PTPRD: variants seen among roughly 807,000 people sequenced by gnomAD.
PTPRD encodes receptor-type tyrosine-protein phosphatase delta.
PTPRD carries 34 observed loss-of-function variants against 214.5 expected under a neutral mutation model. The observed-to-expected ratio is 0.16, with a 90% CI of 0.12 to 0.21. The LOEUF (loss-of-function observed/expected upper bound fraction) is 0.21, where lower values mean the gene tolerates loss of function less well. PTPRD is among the 10% of genes least tolerant of loss of function. The probability of loss-of-function intolerance (pLI) is 1.00; values close to 1 mark genes in which losing one functional copy is unlikely to be tolerated. For missense variants in PTPRD, 2,545 were observed against 2,398.7 expected, an observed-to-expected ratio of 1.06 and a Z score of -1.27; for synonymous variants, 1,128 against 845.7, an observed-to-expected ratio of 1.33 and a Z score of -5.79.
intron 2 of PTPRD, among the ~76,000 whole-genome samples, chr9:10,459,834 T>A (rs2098945573): frequency 6.6e-6 from 1 of 151,780 alleles, no homozygotes; most frequent in Admixed American, 6.6e-5. Flanking sequence ...CAAAATAAAT[T>A]TATCAGTATT....
At chr9:9,608,389 GT>G in intron 7 of PTPRD, among the ~76,000 whole-genome samples, 1 of 152,248 alleles carries the variant, frequency 6.6e-6, no homozygotes, top group East Asian at 1.9e-4. Flanking sequence ...TGTACTAAAA[GT>G]TTTTAAATCT....
chr9:10,610,159 G>A (rs1208440365), intron 2 of PTPRD, among the ~76,000 whole-genome samples: 1 of 152,012 alleles, frequency 6.6e-6, no homozygotes, highest in East Asian at 1.9e-4. Context: ...AGAGCTGGTG[G>A]CCAAAAAGGT....
chr9:10,484,865 T>A (rs1489179996), intron 2 of PTPRD, among the ~76,000 whole-genome samples: 1 of 151,986 alleles, frequency 6.6e-6, no homozygotes, highest in Admixed American at 6.6e-5. Flanking sequence ...TCTACCTTGA[T>A]GTGATTCAAT....
At chr9:8,611,768 A>AGGAGGGGAGG (rs143058348) in intron 14 of PTPRD, among the ~76,000 whole-genome samples, 2 of 139,166 alleles carry the variant, frequency 1.4e-5, no homozygotes, top group Non-Finnish European at 3.1e-5. Flanking sequence ...AAGAAAAGAA[A>AGGAGGGGAGG]GGAGGGGAGG....
chr9:9,528,554 G>T (rs144821931), intron 8 of PTPRD, among the ~76,000 whole-genome samples: 46 of 152,154 alleles, frequency 3.0e-4, no homozygotes, highest in African/African-American at 8.9e-4. Context: ...AATACTTGAA[G>T]ACATATTGCG....
At chr9:8,562,238 T>A (rs1364255895) in intron 14 of PTPRD, among the ~76,000 whole-genome samples, 1 of 152,158 alleles carries the variant, frequency 6.6e-6, no homozygotes, top group East Asian at 1.9e-4. Context: ...GGACTCATTA[T>A]CTGGACTCTC....
chr9:8,602,739 G>A (rs1477300022), intron 14 of PTPRD, among the ~76,000 whole-genome samples: 1 of 152,130 alleles, frequency 6.6e-6, no homozygotes, highest in Non-Finnish European at 1.5e-5. Context: ...CCCAAACTAA[G>A]AGAAACATGC....
intron 9 of PTPRD, among the ~76,000 whole-genome samples, chr9:9,235,103 A>G (rs2099965722): frequency 6.6e-6 from 1 of 152,196 alleles, no homozygotes. Flanking sequence ...CAGGAAACTT[A>G]TAATCATGGC....
At chr9:9,740,408 A>G (rs2098382746) in intron 6 of PTPRD, among the ~76,000 whole-genome samples, 1 of 150,016 alleles carries the variant, frequency 6.7e-6, no homozygotes, top group South Asian at 2.1e-4. Flanking sequence ...CCCAGGCTGG[A>G]GTGCAGTGGC....
rs201751722 is a variant in PTPRD, at chr9:8,471,047, C to A, written c.3452G>T (p.Arg1151Leu). 2.5e-6 allele frequency: 4 copies of A among 1,613,368 alleles called. No individual in the cohort carries two copies. The highest frequency in any genetic ancestry group is 1.7e-5 in the Admixed American group (1 of 59,964). ...YIIIVPLKKS[R>L]GKFIKPWESP... ...CTCCCATGGCTTGATAAATTTCCCG[C>A]GAGATTTCTTCAAAGGCACAATTAT... Residue 1151 changes from arginine (R) to leucine (L), a missense_variant, in exon 31 of 46, where the codon CGC (arginine) becomes CTC (leucine). Physicochemically the swap from Arg to Leu is moderately radical, Grantham distance 102 (BLOSUM62 -2). Coordinates refer to ENST00000381196, the MANE Select transcript of PTPRD (RefSeq NM_002839.4).
Position 9,797,825 on chromosome 9 carries a change from C to T in PTPRD, c.-367-30974G>A, listed in dbSNP as rs1022016382. On this transcript the variant is annotated intron_variant, in intron 5 of 45. Transcript: ENST00000381196. The stretch of plus-strand genomic sequence containing the variant: ...ATCGCGCCATCGCACACCAGCCTGG[C>T]GGACAACAGCGAGACTTAATCTCAA... 5.9e-5 allele frequency among the ~76,000 whole-genome samples: 9 copies of T among 151,908 alleles called. No homozygotes were observed. In the South Asian group the frequency reaches 1.0e-3, roughly 18 times the overall value.
intron 2 of PTPRD, among the ~76,000 whole-genome samples, chr9:10,459,978 A>T (rs1417368522): frequency 1.3e-5 from 2 of 152,104 alleles, no homozygotes; most frequent in Non-Finnish European, 2.9e-5. Context: ...CTATTTTAAC[A>T]ATTTTAAGTG....
At chr9:9,660,947 C>T (rs1000029128) in intron 7 of PTPRD, among the ~76,000 whole-genome samples, 1 of 151,898 alleles carries the variant, frequency 6.6e-6, no homozygotes, top group Non-Finnish European at 1.5e-5. Flanking sequence ...TTTCAATAAC[C>T]AGAAGTTGTG....
At chr9:8,665,179 GTTTA>G (rs1011249311) in intron 12 of PTPRD, among the ~76,000 whole-genome samples, 1 of 152,110 alleles carries the variant, frequency 6.6e-6, no homozygotes, top group African/African-American at 2.4e-5. Flanking sequence ...GTAAGATTTT[GTTTA>G]TTTGTTTCAA....
chr9:10,123,850 T>A (rs1022196384), intron 3 of PTPRD, among the ~76,000 whole-genome samples: 1 of 152,200 alleles, frequency 6.6e-6, no homozygotes, highest in Non-Finnish European at 1.5e-5. Context: ...TAACTTTCTG[T>A]GGACACAATG....
Position 8,642,662 on chromosome 9 carries a change from G to A in PTPRD, c.65-5818C>T, listed in dbSNP as rs554382270. Among the ~76,000 whole-genome samples the A allele has an allele frequency of 4.6e-5, 7 of 152,242 alleles. No homozygotes were observed. In the East Asian group the frequency reaches 1.4e-3, roughly 29 times the overall value. On this transcript the variant is annotated intron_variant, in intron 12 of 45. Coordinates refer to ENST00000381196, the MANE Select transcript of PTPRD (RefSeq NM_002839.4). ...TGCAGTGCATAGCAGAAGAGTGAGGGGTGGTTCCAAGGGTAGTAGCCTGGT... is the reference window on the plus strand; with the variant it reads ...TGCAGTGCATAGCAGAAGAGTGAGGAGTGGTTCCAAGGGTAGTAGCCTGGT...
chr9:8,920,800 C>CTTAT (rs201981267), intron 11 of PTPRD, among the ~76,000 whole-genome samples: 12,402 of 151,738 alleles, frequency 0.082, 856 homozygotes, highest in East Asian at 0.37. Context: ...TCTCCATTTT[C>CTTAT]TTATTTATTT....
At chr9:9,601,100 G>C (rs1054824974) in intron 7 of PTPRD, among the ~76,000 whole-genome samples, 6 of 138,210 alleles carry the variant, frequency 4.3e-5, no homozygotes, top group African/African-American at 1.3e-4. Context: ...ACTGGGAAAA[G>C]AGATTAATAT....
chr9:9,444,293 G>C (rs1033919146), intron 8 of PTPRD, among the ~76,000 whole-genome samples: 1 of 152,026 alleles, frequency 6.6e-6, no homozygotes, highest in African/African-American at 2.4e-5. Flanking sequence ...CCTCATTAGA[G>C]ATTAAAATGA....
Sources: allele counts gnomAD v4.1 joint callset (sites outside exome capture counted in the v4.1 genomes callset), GRCh38; gene constraint gnomAD v4.1.1; transcripts MANE v1.5; gene names NCBI Gene and HGNC (gene_info 2026-07-23, HGNC 2026-07-21).